The following CD37 variants were observed in gnomAD, a reference collection of about 807,000 sequenced individuals.
CD37 encodes the protein CD37 molecule, also known as leukocyte antigen CD37.
A neutral mutation model predicts 38.9 loss-of-function variants in CD37; 37 were observed. That is an observed-to-expected ratio of 0.95 (90% CI 0.73 to 1.25). CD37 has a LOEUF of 1.25. Among genes scored for constraint, CD37 ranks in the 50% most tolerant of loss-of-function variants. The pLI is 0.00. For missense variants in CD37, 351 were observed against 360.1 expected (o/e 0.97, Z 0.20); for synonymous variants, 146 against 150.1 (o/e 0.97, Z 0.20).
At chr19:49,336,119 C>A in intron 2 of CD37, 2 of 361,480 alleles carry the variant, frequency 5.5e-6, no homozygotes, top group African/African-American at 2.1e-5. Context: ...CGTAAAAGAG[C>A]CAAAATAACA....
Position 49,339,131 on chromosome 19 carries a change from C to G in CD37, c.684+195C>G, listed in dbSNP as rs1971085773. On this transcript the variant is annotated intron_variant, in intron 6 of 7. Transcript: ENST00000323906. This position sits in a 1 kb window ranked among gnomAD's most constrained non-coding sequence, Gnocchi z 4.5. ...GCCTAAAGAAAAGGCTGGGCTGGCT[C>G]TGGAATACAGATGTCTAGGGAGGGG... 1.3e-5 allele frequency among the ~76,000 whole-genome samples: 2 copies of G among 152,098 alleles called. No individual in the cohort carries two copies. Among genetic ancestry groups the G allele is most frequent in the East Asian group, 3.9e-4 (2 of 5,164 alleles).
In CD37 at chr19:49,335,678, G is replaced by A; in HGVS notation, c.70-36G>A. On this transcript the variant is annotated intron_variant, in intron 1 of 7. Coordinates refer to ENST00000323906, the MANE Select transcript of CD37 (RefSeq NM_001774.3). The surrounding 1 kb of genome is among the most constrained non-coding windows in gnomAD (Gnocchi z 4.6). Reference sequence around the variant, plus strand: ...GCTAACCCAGCCCTCATCTTCCCCTGTGGCCCACCCCCGTATCCGCATCTC... The same window carrying A: ...GCTAACCCAGCCCTCATCTTCCCCTATGGCCCACCCCCGTATCCGCATCTC... 1 of 1,612,574 alleles carries A rather than the reference G, an allele frequency of 6.2e-7. No homozygotes were observed. The highest frequency in any genetic ancestry group is 1.1e-5 in the South Asian group (1 of 91,050).
Position 49,338,588 on chromosome 19 carries a change from A to T in CD37, c.448-112A>T. The T allele has an allele frequency of 1.3e-6, 1 of 748,546 alleles. No individual in the cohort carries two copies. The highest frequency in any genetic ancestry group is 1.6e-5 in the South Asian group (1 of 63,162). 46.4% of individuals were successfully genotyped at this position (748,546 alleles called of 1,614,324 possible). ...GCCCACTGTCCCCCACTCCACACCC[A>T]CCACTTAGTCCCCTGCTCCCCGACC... On this transcript the variant is annotated intron_variant, in intron 5 of 7. Transcript: ENST00000323906. The surrounding 1 kb of genome is among the most constrained non-coding windows in gnomAD (Gnocchi z 5.0).
Position 49,335,716 on chromosome 19 carries a change from C to G in CD37, c.72C>G (p.Val24=). The stretch of plus-strand genomic sequence containing the variant: ...GTATCCGCATCTCCTCTCCCCAGGT[C>G]CTCGGCAGCCTGATCTTCTGCTTCG... ...FLFVFNLFFF[V]LGSLIFCFGI... is the part of the protein sequence containing the mutation. Residue 24 remains valine, a splice_region_variant and synonymous_variant, in exon 2 of 8, where the codon GTC becomes GTG. Coordinates refer to ENST00000323906, the MANE Select transcript of CD37 (RefSeq NM_001774.3). The surrounding 1 kb of genome is among the most constrained non-coding windows in gnomAD (Gnocchi z 4.6). 1 of 1,614,004 alleles carries G rather than the reference C, an allele frequency of 6.2e-7. No homozygotes were observed. The highest frequency in any genetic ancestry group is 2.2e-5 in the East Asian group (1 of 44,880).
rs1970977173 is a variant in CD37 at position 49,336,925 on chromosome 19, T to C, written c.159T>C (p.Pro53=). The stretch of plus-strand genomic sequence containing the variant: ...CTCTCCCAGGCTTGGCCTTCGTGCC[T>C]CTGCAGATCTGGTCCAAAGTCCTGG... ...FVSFVGLAFV[P]LQIWSKVLAI... Residue 53 remains proline, a synonymous_variant, in exon 3 of 8, where the codon CCT becomes CCC. Transcript: ENST00000323906. The C allele has an allele frequency of 1.2e-6, 2 of 1,614,180 alleles. No individual in the cohort carries two copies. The highest frequency in any genetic ancestry group is 2.2e-5 in the South Asian group (2 of 91,084).
chr19:49,340,044 ACCC>A, intron 7 of CD37: 1 of 1,494,724 alleles, frequency 6.7e-7, no homozygotes, highest in East Asian at 2.5e-5. Flanking sequence ...CTCAGCCTCT[ACCC>A]CCACTTGTAG....
chr19:49,340,484 A>C lies in CD37; in HGVS notation c.*156A>C. Reference sequence around the variant, plus strand: ...GTGGCTGCGTGCCCCTGCTGCTGTCACCTCTCCCACGGGACCTGGGGCTTT... The same window carrying C: ...GTGGCTGCGTGCCCCTGCTGCTGTCCCCTCTCCCACGGGACCTGGGGCTTT... On this transcript the variant is annotated 3_prime_UTR_variant, in exon 8 of 8. Transcript: ENST00000323906. 1 of 667,530 alleles carries C rather than the reference A, an allele frequency of 1.5e-6. No individual in the cohort carries two copies. The highest frequency in any genetic ancestry group is 2.7e-6 in the Non-Finnish European group (1 of 367,114). 41.4% of individuals were successfully genotyped at this position (667,530 alleles called of 1,614,324 possible).
chr19:49,338,578 C>G lies in CD37; in HGVS notation c.448-122C>G. On this transcript the variant is annotated intron_variant, in intron 5 of 7. Coordinates refer to ENST00000323906, the MANE Select transcript of CD37 (RefSeq NM_001774.3). This position sits in a 1 kb window ranked among gnomAD's most constrained non-coding sequence, Gnocchi z 5.0. ...CGTGACCCCAGCCCACTGTCCCCCA[C>G]TCCACACCCACCACTTAGTCCCCTG... 3 of 735,274 alleles carry G rather than the reference C, an allele frequency of 4.1e-6. No homozygotes were observed. Among genetic ancestry groups the G allele is most frequent in the Non-Finnish European group, 7.2e-6 (3 of 417,808 alleles). The allele number at this position is 735,274 out of a possible 1,614,324, so 45.5% of individuals were successfully genotyped here.
chr19:49,337,752 T>C, intron 4 of CD37, 173 bp from the exon 5 acceptor site: 1 of 1,536,090 alleles, frequency 6.5e-7, no homozygotes, highest in Non-Finnish European at 8.7e-7. Context: ...TTATGAGCCG[T>C]AGAAATAGTG....
At position 49,339,622 on chromosome 19, in the gene CD37, G is replaced by C. The variant is rs1356946175; in HGVS notation, c.768+209G>C. The C allele has an allele frequency of 2.4e-5, 35 of 1,433,170 alleles. No individual in the cohort carries two copies. Among genetic ancestry groups the C allele is most frequent in the Non-Finnish European group, 3.1e-5 (34 of 1,098,350 alleles). The allele number at this position is 1,433,170 out of a possible 1,614,324, so 88.8% of individuals were successfully genotyped here. A position where few individuals can be genotyped will look rare whatever the true frequency, so the allele number is the denominator to read the frequency against. The stretch of plus-strand genomic sequence containing the variant: ...TGGGTGTACGCAGGGAAAGCCTCCT[G>C]CTATTGGCTGCGATCTCCCTCCCCT... On this transcript the variant is annotated intron_variant, in intron 7 of 7. Coordinates refer to ENST00000323906, the MANE Select transcript of CD37 (RefSeq NM_001774.3). The surrounding 1 kb of genome is among the most constrained non-coding windows in gnomAD (Gnocchi z 4.5).
chr19:49,339,308 A>C lies in CD37; in HGVS notation c.685-22A>C. The C allele has an allele frequency of 6.2e-7, 1 of 1,608,354 alleles. No individual in the cohort carries two copies. ...TGAGAGTCCCAGAAAGAATCCCTTT[A>C]ACTTTTCCCTACACCCCCCAGGGCT... On this transcript the variant is annotated intron_variant, in intron 6 of 7. Coordinates refer to ENST00000323906, the MANE Select transcript of CD37 (RefSeq NM_001774.3). This position sits in a 1 kb window ranked among gnomAD's most constrained non-coding sequence, Gnocchi z 4.5.
At position 49,335,920 on chromosome 19, in the gene CD37, G is replaced by A. The variant is rs749509079; in HGVS notation, c.142+134G>A. 5 of 728,356 alleles carry A rather than the reference G, an allele frequency of 6.9e-6. No individual in the cohort carries two copies. Among genetic ancestry groups the A allele is most frequent in the South Asian group, 6.3e-5 (4 of 63,540 alleles). 45.1% of individuals were successfully genotyped at this position (728,356 alleles called of 1,614,324 possible). On this transcript the variant is annotated intron_variant, in intron 2 of 7. Transcript: ENST00000323906. This position sits in a 1 kb window ranked among gnomAD's most constrained non-coding sequence, Gnocchi z 4.6. The stretch of plus-strand genomic sequence containing the variant: ...AGGCTCCCATCCACTGCTCACCGGA[G>A]GCTTCTTGGAGCCTGAGTCTTCTTC...
At position 49,339,586 on chromosome 19, in the gene CD37, G is replaced by T; in HGVS notation, c.768+173G>T. ...GAGGGTGGGGGCGGCCCAGCTTCAG[G>T]GAGCCCTGATTGGGTGTACGCAGGG... is the stretch of plus-strand genomic sequence containing the variant. On this transcript the variant is annotated intron_variant, in intron 7 of 7. Coordinates refer to ENST00000323906, the MANE Select transcript of CD37 (RefSeq NM_001774.3). The surrounding 1 kb of genome is among the most constrained non-coding windows in gnomAD (Gnocchi z 4.5). 1 of 1,451,856 alleles carries T rather than the reference G, an allele frequency of 6.9e-7. No individual in the cohort carries two copies. Among genetic ancestry groups the T allele is most frequent in the East Asian group, 2.5e-5 (1 of 40,610 alleles). The allele number at this position is 1,451,856 out of a possible 1,614,324, so 89.9% of individuals were successfully genotyped here.
rs1237545539 is a variant in CD37, at chr19:49,335,506, T to A, written c.-35T>A. On this transcript the variant is annotated 5_prime_UTR_variant, in exon 1 of 8. Coordinates refer to ENST00000323906, the MANE Select transcript of CD37 (RefSeq NM_001774.3). This position sits in a 1 kb window ranked among gnomAD's most constrained non-coding sequence, Gnocchi z 4.6. ...TCCCCCACTGTCAGCACCTCTTCTGTGTGGTGAGTGGACCGCTTACCCCAC... is the reference window on the plus strand; with the variant it reads ...TCCCCCACTGTCAGCACCTCTTCTGAGTGGTGAGTGGACCGCTTACCCCAC... 6.6e-7 allele frequency: 1 copy of A among 1,516,136 alleles called. No homozygotes were observed. Among genetic ancestry groups the A allele is most frequent in the East Asian group, 2.3e-5 (1 of 44,376 alleles). The allele number at this position is 1,516,136 out of a possible 1,614,324, so 93.9% of individuals were successfully genotyped here.
In CD37 at chr19:49,335,789, G is replaced by A. The variant is rs1970930023; in HGVS notation, c.142+3G>A. On this transcript the variant is annotated splice_donor_region_variant and intron_variant, in intron 2 of 7. Transcript: ENST00000323906. This position sits in a 1 kb window ranked among gnomAD's most constrained non-coding sequence, Gnocchi z 4.6. The stretch of plus-strand genomic sequence containing the variant: ...GACCAGCTTCGTGTCCTTTGTGGGT[G>A]AGGGGGGCTGGGGCAGGTGGGAGGG... The A allele has an allele frequency of 6.2e-7, 1 of 1,608,164 alleles. No homozygotes were observed. The highest frequency in any genetic ancestry group is 8.5e-7 in the Non-Finnish European group (1 of 1,175,026).
At chr19:49,337,074 T>C (rs759183644) in intron 3 of CD37, 41 bp downstream of exon 3, 2 of 1,613,958 alleles carry the variant, frequency 1.2e-6, no homozygotes, top group East Asian at 4.5e-5. Flanking sequence ...AACACTCCTA[T>C]CCCCACCCTC....
In CD37 at chr19:49,336,916, C is replaced by T. The variant is rs1418064161; in HGVS notation, c.150C>T (p.Ala50=). The change falls in exon 3 of 8, where the codon GCC becomes GCT. Residue 50 remains alanine (A), a synonymous_variant. Coordinates refer to ENST00000323906, the MANE Select transcript of CD37 (RefSeq NM_001774.3). ...KTSFVSFVGL[A]FVPLQIWSKV... is the part of the protein sequence containing the mutation. ...TCCCCTCACCTCTCCCAGGCTTGGCCTTCGTGCCTCTGCAGATCTGGTCCA... is the reference window on the plus strand; with the variant it reads ...TCCCCTCACCTCTCCCAGGCTTGGCTTTCGTGCCTCTGCAGATCTGGTCCA... The T allele has an allele frequency of 2.5e-6, 4 of 1,614,006 alleles. No homozygotes were observed. Among genetic ancestry groups the T allele is most frequent in the Non-Finnish European group, 1.7e-6 (2 of 1,179,990 alleles).
At position 49,340,427 on chromosome 19, in the gene CD37, C is replaced by T; in HGVS notation, c.*99C>T. The stretch of plus-strand genomic sequence containing the variant: ...TGTTTAATCCCCAGTTCGCCTGGAG[C>T]CCTCCGCCTTCACATTCCCCTGGGG... On this transcript the variant is annotated 3_prime_UTR_variant, in exon 8 of 8. Transcript: ENST00000323906. The T allele has an allele frequency of 1.1e-6, 1 of 873,388 alleles. No individual in the cohort carries two copies. The highest frequency in any genetic ancestry group is 1.9e-6 in the Non-Finnish European group (1 of 530,398). The allele number at this position is 873,388 out of a possible 1,614,324, so 54.1% of individuals were successfully genotyped here.
chr19:49,340,142 T>TC, intron 7 of CD37, 109 bp from the exon 8 acceptor site: 22 of 1,515,352 alleles, frequency 1.5e-5, no homozygotes, highest in East Asian at 7.0e-5. Context: ...TCCAGCCCCT[T>TC]CCCGCCCAAT....
Sources: allele counts gnomAD v4.1 joint callset (sites outside exome capture counted in the v4.1 genomes callset), GRCh38; gene constraint gnomAD v4.1.1; non-coding constraint Gnocchi (gnomAD v3.1); transcripts MANE v1.5; gene names NCBI Gene and HGNC (gene_info 2026-07-23, HGNC 2026-07-21).